Variants in METTL9 observed in about 807,000 individuals in gnomAD.
METTL9 encodes the protein methyltransferase 9, His-X-His N1(pi)-histidine.
Under a neutral mutation model 36.0 loss-of-function variants are expected in METTL9, and 10 were observed. The observed-to-expected ratio is 0.28, with a 90% CI of 0.17 to 0.47. METTL9 has a LOEUF of 0.47. METTL9 is among the 20% of genes least tolerant of loss of function. METTL9 has a pLI of 0.99. For missense variants in METTL9, 246 were observed against 383.5 expected (o/e 0.64, Z 3.00); for synonymous variants, 175 against 149.7 (o/e 1.17, Z -1.23).
At chr16:21,597,938 CA>C (rs1339019044), upstream of METTL9, 1 of 152,320 alleles carries the variant, frequency 6.6e-6, no homozygotes, top group Non-Finnish European at 1.5e-5. Context: ...AGAGAGAACA[CA>C]AAATACCGAA....
chr16:21,626,614 G>C (rs1456841574), intron 4 of METTL9: 1 of 152,180 alleles, frequency 6.6e-6, no homozygotes, highest in Non-Finnish European at 1.5e-5. Context: ...CTGTTGTCGA[G>C]TGGTTTGTCA....
At chr16:21,615,587 C>T (rs1176387931) in intron 2 of METTL9, among the ~76,000 whole-genome samples, 1 of 152,100 alleles carries the variant, frequency 6.6e-6, no homozygotes, top group East Asian at 1.9e-4. Flanking sequence ...GCTCAGGTGA[C>T]CTCTTGTTCT....
intron 2 of METTL9, among the ~76,000 whole-genome samples, chr16:21,613,165 CTGCTTTTTTTTTTTTT>C (rs1567328488): frequency 2.4e-5 from 2 of 84,338 alleles, no homozygotes; most frequent in Admixed American, 1.6e-4. Flanking sequence ...GTCTGAGAGT[CTGCTTTTTTTTTTTTT>C]TTTTTTTTTT....
At position 21,627,337 on chromosome 16, in the gene METTL9, T is replaced by A; in HGVS notation, c.751+2222T>A. On this transcript the variant is annotated intron_variant, in intron 4 of 4. Transcript: ENST00000358154. ...AAGTAGTTGTAGGTGAAATGATTAC[T>A]TAGGTAATTGTTTTGGTAAATGGCT... The A allele has an allele frequency of 4.1e-6, 4 of 985,310 alleles. 1 individual carries two copies. In the South Asian group the frequency reaches 1.9e-4, roughly 46 times the overall value. The allele number at this position is 985,310 out of a possible 1,614,324, so 61.0% of individuals were successfully genotyped here.
intron 4 of METTL9, among the ~76,000 whole-genome samples, chr16:21,650,877 A>G (rs1254345486): frequency 6.6e-6 from 1 of 152,210 alleles, no homozygotes; most frequent in African/African-American, 2.4e-5. Flanking sequence ...GAAAAGGTTG[A>G]AGATTTATTT....
rs745943635 is a variant in METTL9, at chr16:21,599,765, G to A, written c.32G>A (p.Ser11Asn). The A allele has an allele frequency of 6.5e-7, 1 of 1,539,786 alleles. No individual in the cohort carries two copies. Among genetic ancestry groups the A allele is most frequent in the South Asian group, 1.2e-5 (1 of 83,548 alleles). MRLLAGWLCL[S>N]LASVWLARRM... ...CTGCTGGCGGGCTGGCTGTGCCTGA[G>A]CCTGGCGTCCGTGTGGCTGGCGCGG... The change falls in exon 1 of 5, where the codon AGC becomes AAC. Residue 11 changes from serine (S) to asparagine (N), a missense_variant. Physicochemically the swap from Ser to Asn is conservative, Grantham distance 46. Around this residue, in one of 2 missense-constraint regions of METTL9, gnomAD observed 100 missense variants for 81.4 expected, o/e 1.23. Coordinates refer to ENST00000358154, the MANE Select transcript of METTL9 (RefSeq NM_016025.5). This position sits in a 1 kb window ranked among gnomAD's most constrained non-coding sequence, Gnocchi z 4.4.
Position 21,656,266 on chromosome 16 carries a change from C to CT in METTL9, c.*837dup, listed in dbSNP as rs1373197326. 1 of 146,990 alleles carries CT rather than the reference C, an allele frequency of 6.8e-6. No homozygotes were observed. Among genetic ancestry groups the CT allele is most frequent in the Non-Finnish European group, 1.5e-5 (1 of 67,516 alleles). The allele number at this position is 146,990 out of a possible 1,614,324, so 9.1% of individuals were successfully genotyped here. ...GATCACTCATGTCCCATACACTGAA[C>CT]TTTGTTTTTTTCTGGACAATCTCAG... is the stretch of plus-strand genomic sequence containing the variant. On this transcript the variant is annotated 3_prime_UTR_variant, in exon 5 of 5. Transcript: ENST00000358154.
chr16:21,606,338 A>AAAT (rs141626965), intron 1 of METTL9, among the ~76,000 whole-genome samples: 262 of 151,728 alleles, frequency 1.7e-3, no homozygotes, highest in East Asian at 3.5e-3. Context: ...CTCCGTCTCA[A>AAAT]AATAATAATA....
chr16:21,644,249 C>T, intron 4 of METTL9: 1 of 1,333,120 alleles, frequency 7.5e-7, no homozygotes, highest in Non-Finnish European at 1.1e-6. Flanking sequence ...TGATAATATT[C>T]AAGGATATAG....
chr16:21,639,542 C>A (rs949048915), intron 4 of METTL9: 3 of 152,162 alleles, frequency 2.0e-5, no homozygotes, highest in Non-Finnish European at 4.4e-5. Flanking sequence ...GCAGAGTACA[C>A]AAGACAGTTT....
upstream of METTL9, among the ~76,000 whole-genome samples, chr16:21,599,033 A>T (rs1217969380): frequency 6.6e-6 from 1 of 152,044 alleles, no homozygotes; most frequent in African/African-American, 2.4e-5. The surrounding 1 kb of genome is among the most constrained non-coding windows in gnomAD (Gnocchi z 4.4). Context: ...TGTAAACTGG[A>T]AACTACGCAT....
At chr16:21,631,374 A>G (rs898023994) in intron 4 of METTL9, among the ~76,000 whole-genome samples, 2 of 152,188 alleles carry the variant, frequency 1.3e-5, no homozygotes, top group African/African-American at 4.8e-5. Context: ...TGGGATTTCA[A>G]TTATTCTTTG....
At chr16:21,606,544 T>C (rs1965293859) in intron 1 of METTL9, among the ~76,000 whole-genome samples, 1 of 152,104 alleles carries the variant, frequency 6.6e-6, no homozygotes, top group African/African-American at 2.4e-5. Flanking sequence ...TTTAGGGGTG[T>C]CATTACATAG....
At chr16:21,647,365 G>A (rs1194791283) in intron 4 of METTL9, 2 of 1,613,992 alleles carry the variant, frequency 1.2e-6, no homozygotes, top group Non-Finnish European at 1.7e-6. Context: ...GAAACCACAG[G>A]CATGTTGGTT....
chr16:21,636,780 C>T (rs1251042246), intron 4 of METTL9, among the ~76,000 whole-genome samples: 5 of 152,152 alleles, frequency 3.3e-5, no homozygotes, highest in South Asian at 4.1e-4. Flanking sequence ...CCGGTGGCTG[C>T]GCTAATCACT....
intron 4 of METTL9, chr16:21,652,483 T>C (rs980046400): frequency 2.5e-5 from 36 of 1,416,354 alleles, no homozygotes; most frequent in Non-Finnish European, 3.3e-5. Context: ...AGGTGAAAAA[T>C]AGCAGTTGAT....
intron 4 of METTL9, among the ~76,000 whole-genome samples, chr16:21,651,154 C>T (rs1393074059): frequency 4.6e-5 from 7 of 151,988 alleles, no homozygotes; most frequent in African/African-American, 1.4e-4. Flanking sequence ...ACCCGGGAGG[C>T]GGAGCTTGCA....
Position 21,655,726 on chromosome 16 carries a change from G to T in METTL9, c.*294G>T, listed in dbSNP as rs1966691226. 6.8e-6 allele frequency: 2 copies of T among 293,844 alleles called. No homozygotes were observed. The highest frequency in any genetic ancestry group is 4.7e-5 in the Admixed American group (1 of 21,336). 18.2% of individuals were successfully genotyped at this position (293,844 alleles called of 1,614,324 possible). On this transcript the variant is annotated 3_prime_UTR_variant, in exon 5 of 5. Coordinates refer to ENST00000358154, the MANE Select transcript of METTL9 (RefSeq NM_016025.5). The stretch of plus-strand genomic sequence containing the variant: ...AAGATATTTTTTATACTTAATTGCA[G>T]TAGGGACTCATTCCCAGACAAAGCA...
chr16:21,622,199 C>A (rs1965722402), intron 3 of METTL9, among the ~76,000 whole-genome samples: 1 of 125,288 alleles, frequency 8.0e-6, no homozygotes, highest in South Asian at 2.7e-4. Context: ...GGCTGGAGTG[C>A]AGTGACACAA....
Sources: allele counts gnomAD v4.1 joint callset (sites outside exome capture counted in the v4.1 genomes callset), GRCh38; gene constraint gnomAD v4.1.1; regional missense constraint gnomAD v4.1.1; non-coding constraint Gnocchi (gnomAD v3.1); transcripts MANE v1.5; gene names NCBI Gene and HGNC (gene_info 2026-07-23, HGNC 2026-07-21).